LIPC: variants seen among roughly 807,000 people sequenced by gnomAD.
LIPC encodes the protein hepatic triacylglycerol lipase.
A neutral mutation model predicts 50.7 loss-of-function variants in LIPC; 44 were observed. The ratio of observed to expected loss-of-function variants is 0.87; its 90% confidence interval spans 0.68 to 1.11. The LOEUF (loss-of-function observed/expected upper bound fraction) is 1.11. Ranked by LOEUF, LIPC falls within the 50% of genes most tolerant of loss-of-function variation. The probability of loss-of-function intolerance (pLI) is 0.00; values close to 1 mark genes in which losing one functional copy is unlikely to be tolerated. For missense variants in LIPC, 697 were observed against 648.2 expected (o/e 1.08, Z -0.82); for synonymous variants, 271 against 256.4 (o/e 1.06, Z -0.54).
At chr15:58,535,747 A>G (rs909726762) in intron 1 of LIPC, among the ~76,000 whole-genome samples, 2 of 152,214 alleles carry the variant, frequency 1.3e-5, no homozygotes, top group Admixed American at 6.5e-5. Context: ...CTCTTTACAA[A>G]TATCTTATTT....
At chr15:58,552,449 G>C (rs1008087289) in intron 6 of LIPC, among the ~76,000 whole-genome samples, 2 of 152,074 alleles carry the variant, frequency 1.3e-5, no homozygotes, top group African/African-American at 4.8e-5. Context: ...TGCATGTCCC[G>C]CCTCCTCCTC....
chr15:58,463,145 C>T (rs894267173), intron 1 of LIPC, among the ~76,000 whole-genome samples: 11 of 152,204 alleles, frequency 7.2e-5, no homozygotes, highest in African/African-American at 2.2e-4. Flanking sequence ...GTGCTTCTAC[C>T]GCACACCTGC....
intron 1 of LIPC, among the ~76,000 whole-genome samples, chr15:58,517,830 G>T (rs547117620): frequency 6.6e-6 from 1 of 152,334 alleles, no homozygotes; most frequent in East Asian, 1.9e-4. Context: ...GACAACAAGC[G>T]TGTAAGTAAG....
intron 1 of LIPC, among the ~76,000 whole-genome samples, chr15:58,513,632 A>G (rs1892399148): frequency 6.6e-6 from 1 of 152,184 alleles, no homozygotes; most frequent in Admixed American, 6.5e-5. Flanking sequence ...AAGAAGGAGG[A>G]TGAGGATTGG....
chr15:58,524,851 C>T (rs1399151887), intron 1 of LIPC, among the ~76,000 whole-genome samples: 5 of 151,978 alleles, frequency 3.3e-5, no homozygotes, highest in Non-Finnish European at 5.9e-5. Flanking sequence ...TTTTTTCTCA[C>T]TTTATTGTTC....
intron 1 of LIPC, chr15:58,522,125 A>AC (rs1286017432): frequency 3.3e-5 from 5 of 152,012 alleles, no homozygotes; most frequent in African/African-American, 1.2e-4. Context: ...TTGGTCCTGT[A>AC]CCCCCACCAC....
chr15:58,458,892 C>T (rs999225127), intron 1 of LIPC, among the ~76,000 whole-genome samples: 1 of 152,132 alleles, frequency 6.6e-6, no homozygotes, highest in Non-Finnish European at 1.5e-5. Context: ...TTAAGTTGTG[C>T]GTTAAGTGGG....
chr15:58,512,262 C>A (rs902901890), intron 1 of LIPC, among the ~76,000 whole-genome samples: 1 of 152,016 alleles, frequency 6.6e-6, no homozygotes, highest in Non-Finnish European at 1.5e-5. Context: ...CCAAGCCTGA[C>A]TAATTTTTGT....
chr15:58,517,004 TTTTGAGACTTGC>T lies in LIPC; in HGVS notation c.89-21325_89-21314del, dbSNP rs1478796685. ...AAATTACTTGGAAATAGTTTGACCC[TTTTGAGACTTGC>T]TTTAAAACTTTGTTAGATGGGACCA... is the stretch of plus-strand genomic sequence containing the variant. On this transcript the variant is annotated intron_variant, in intron 1 of 8. Coordinates refer to ENST00000299022, the MANE Select transcript of LIPC (RefSeq NM_000236.3). 7.9e-5 allele frequency among the ~76,000 whole-genome samples: 12 copies of T among 152,364 alleles called. No homozygotes were observed. In the East Asian group the frequency reaches 2.3e-3, roughly 29 times the overall value.
rs11633996 is a variant in LIPC, at chr15:58,493,619, G to A, written c.89-44714G>A. 4.8e-3 allele frequency among the ~76,000 whole-genome samples: 256 copies of A among 52,956 alleles called. 14 individuals are homozygous for A. Among genetic ancestry groups the A allele is most frequent in the Middle Eastern group, 0.011 (1 of 90 alleles). The allele number at this position is 52,956 out of a possible 152,430, so 34.7% of individuals were successfully genotyped here. A position where few individuals can be genotyped will look rare whatever the true frequency, so the allele number is the denominator to read the frequency against. ...ATAAAATTTATACAAAATTTATTAC[G>A]TATAAATAAAATTTATACAAAATTT... On this transcript the variant is annotated intron_variant, in intron 1 of 8. Coordinates refer to ENST00000299022, the MANE Select transcript of LIPC (RefSeq NM_000236.3).
At position 58,432,014 on chromosome 15, in the gene LIPC, C is replaced by A. The variant is rs750577708; in HGVS notation, c.-19C>A. The A allele has an allele frequency of 1.8e-5, 29 of 1,589,842 alleles. No individual in the cohort carries two copies. The highest frequency in any genetic ancestry group is 2.4e-5 in the Non-Finnish European group (28 of 1,158,116). On this transcript the variant is annotated 5_prime_UTR_variant, in exon 1 of 9. Transcript: ENST00000299022. Reference sequence around the variant, plus strand: ...TCAGAAATTACCAAGAAAGCCTGGACCCCGGGTGAAACGGAGAAATGGACA... The same window carrying A: ...TCAGAAATTACCAAGAAAGCCTGGAACCCGGGTGAAACGGAGAAATGGACA...
intron 4 of LIPC, among the ~76,000 whole-genome samples, chr15:58,544,846 G>C (rs1251669198): frequency 1.3e-5 from 2 of 152,120 alleles, no homozygotes; most frequent in Non-Finnish European, 2.9e-5. Context: ...GAGGAAGAAA[G>C]ACAGGGAAAA....
chr15:58,445,592 G>C (rs1260175474), intron 1 of LIPC, among the ~76,000 whole-genome samples: 2 of 152,184 alleles, frequency 1.3e-5, no homozygotes, highest in Admixed American at 6.5e-5. Flanking sequence ...ATAAACAGGG[G>C]CTCCTGGCAC....
intron 1 of LIPC, among the ~76,000 whole-genome samples, chr15:58,468,280 G>A (rs747838064): frequency 6.6e-6 from 1 of 152,038 alleles, no homozygotes; most frequent in African/African-American, 2.4e-5. Flanking sequence ...CCCCAGCAGC[G>A]CCTCTCAGAG....
intron 6 of LIPC, among the ~76,000 whole-genome samples, chr15:58,554,740 G>A (rs546084364): frequency 2.0e-5 from 3 of 152,290 alleles, no homozygotes; most frequent in South Asian, 2.1e-4. Flanking sequence ...AAAAGAGGAG[G>A]AGGAAGAAGA....
intron 1 of LIPC, among the ~76,000 whole-genome samples, chr15:58,471,925 G>C (rs868031597): frequency 6.6e-6 from 1 of 151,992 alleles, no homozygotes; most frequent in African/African-American, 2.4e-5. Flanking sequence ...TAGCTCTTTG[G>C]GGCCATAAAG....
chr15:58,512,311 C>T (rs1892353502), intron 1 of LIPC, among the ~76,000 whole-genome samples: 2 of 152,174 alleles, frequency 1.3e-5, no homozygotes, highest in South Asian at 4.1e-4. Context: ...GTTTGCCAGG[C>T]TGGTCTCGAA....
intron 1 of LIPC, among the ~76,000 whole-genome samples, chr15:58,442,944 G>C (rs770477102): frequency 2.6e-5 from 4 of 152,084 alleles, no homozygotes; most frequent in African/African-American, 9.7e-5. Flanking sequence ...TCTGAGTCTC[G>C]CTCTGTTGCC....
chr15:58,483,440 G>C (rs184449790), intron 1 of LIPC, among the ~76,000 whole-genome samples: 1 of 152,268 alleles, frequency 6.6e-6, no homozygotes, highest in African/African-American at 2.4e-5. Flanking sequence ...TGATTCCTAC[G>C]ATCCTGAGGG....
Sources: gnomAD v4.1 joint callset for allele counts (sites outside exome capture counted in the v4.1 genomes callset) on GRCh38, gnomAD v4.1.1 for gene constraint, MANE v1.5 for transcripts, NCBI Gene and HGNC (gene_info 2026-07-23, HGNC 2026-07-21) for gene names.